The following FLT1 variants were observed in gnomAD, a reference collection of about 807,000 sequenced individuals.
FLT1 encodes fms related receptor tyrosine kinase 1.
A neutral mutation model predicts 156.3 loss-of-function variants in FLT1; 49 were observed. The observed-to-expected ratio is 0.31, with a 90% CI of 0.25 to 0.40. FLT1 has a LOEUF of 0.40. FLT1 is among the 10% of genes least tolerant of loss of function. FLT1 has a pLI of 1.00. For missense variants in FLT1, 1,322 were observed against 1,637.2 expected (o/e 0.81, Z 3.32); for synonymous variants, 594 against 583.8 (o/e 1.02, Z -0.25).
At chr13:28,324,015 G>T (rs187926263) in intron 20 of FLT1, among the ~76,000 whole-genome samples, 1 of 152,188 alleles carries the variant, frequency 6.6e-6, no homozygotes, top group African/African-American at 2.4e-5. Flanking sequence ...TCTTGGGCAA[G>T]TCACCTTACT....
chr13:28,466,650 T>C, intron 3 of FLT1: 1 of 554,790 alleles, frequency 1.8e-6, no homozygotes, highest in Non-Finnish European at 3.2e-6. Context: ...CATACTGTGC[T>C]AGGAGCTGTG....
chr13:28,422,830 C>T (rs1877089773), intron 10 of FLT1, among the ~76,000 whole-genome samples: 1 of 152,202 alleles, frequency 6.6e-6, no homozygotes, highest in Non-Finnish European at 1.5e-5. Flanking sequence ...TGATCTGCAG[C>T]ACAAACTGAT....
intron 14 of FLT1, 152 bp from the exon 15 acceptor site, chr13:28,357,837 C>T: frequency 3.5e-6 from 2 of 571,530 alleles, no homozygotes; most frequent in Non-Finnish European, 6.1e-6. Flanking sequence ...TTTGTTTTCT[C>T]TGGGTCCAGG....
At chr13:28,443,823 C>A (rs1878463663) in intron 3 of FLT1, among the ~76,000 whole-genome samples, 1 of 152,148 alleles carries the variant, frequency 6.6e-6, no homozygotes. Context: ...GCAGGTTCTT[C>A]CATGACTTAC....
At chr13:28,387,815 A>AT (rs1039276786) in intron 13 of FLT1, 2 of 1,055,890 alleles carry the variant, frequency 1.9e-6, no homozygotes, top group African/African-American at 1.7e-5. Flanking sequence ...CTTTAAAAAA[A>AT]AAAAAAAAGA....
chr13:28,353,345 G>T (rs1221841241), intron 15 of FLT1, among the ~76,000 whole-genome samples: 1 of 152,114 alleles, frequency 6.6e-6, no homozygotes, highest in Non-Finnish European at 1.5e-5. Flanking sequence ...GGCCGAGGCG[G>T]GTGGATTACC....
chr13:28,419,315 A>G (rs1369591732), intron 10 of FLT1, among the ~76,000 whole-genome samples: 1 of 152,240 alleles, frequency 6.6e-6, no homozygotes, highest in Non-Finnish European at 1.5e-5. Flanking sequence ...AAGTCAGTGA[A>G]GATATACTAA....
At chr13:28,422,112 C>T (rs2137529789) in intron 10 of FLT1, among the ~76,000 whole-genome samples, 1 of 152,286 alleles carries the variant, frequency 6.6e-6, no homozygotes, top group Non-Finnish European at 1.5e-5. Flanking sequence ...TGGTTGGTGC[C>T]TAATAAATAT....
At chr13:28,303,497 C>CT (rs1491291578) in intron 29 of FLT1, 129 bp from the exon 30 acceptor site, 10 of 797,066 alleles carry the variant, frequency 1.3e-5, no homozygotes, top group Admixed American at 2.1e-5. Flanking sequence ...TTGGAACCCC[C>CT]CCCCCCTCAA....
chr13:28,399,519 CA>C (rs1207097160), intron 11 of FLT1, among the ~76,000 whole-genome samples: 3 of 152,040 alleles, frequency 2.0e-5, no homozygotes, highest in Non-Finnish European at 4.4e-5. Context: ...AAGGGAAAAT[CA>C]AGTCAGATGT....
At chr13:28,396,751 C>G in intron 12 of FLT1, 1 of 670,824 alleles carries the variant, frequency 1.5e-6, no homozygotes, top group Non-Finnish European at 2.7e-6. Context: ...ACACAAATAA[C>G]TCTAAAAGAG....
chr13:28,387,969 G>A, intron 13 of FLT1: 1 of 1,061,138 alleles, frequency 9.4e-7, no homozygotes, highest in Non-Finnish European at 1.1e-6. Flanking sequence ...GGAAGGAAAT[G>A]GTAGGTTCTG....
At position 28,311,734 on chromosome 13, in the gene FLT1, TA is replaced by T; in HGVS notation, c.3493-3del. The T allele has an allele frequency of 6.2e-7, 1 of 1,614,054 alleles. No homozygotes were observed. Among genetic ancestry groups the T allele is most frequent in the Non-Finnish European group, 8.5e-7 (1 of 1,179,930 alleles). ...GATTGGGATGTAGTCTTTACCATCC[TA>T]AAATACCAAAGGTAGAGCTCTCGTT... On this transcript the variant is annotated splice_polypyrimidine_tract_variant and splice_region_variant and intron_variant, in intron 26 of 29. Coordinates refer to ENST00000282397, the MANE Select transcript of FLT1 (RefSeq NM_002019.4).
At chr13:28,456,591 C>G (rs918257974) in intron 3 of FLT1, among the ~76,000 whole-genome samples, 18 of 151,744 alleles carry the variant, frequency 1.2e-4, no homozygotes, top group Non-Finnish European at 1.5e-5. Flanking sequence ...AGGTCAGGAG[C>G]TCGAGACCAG....
rs146170931 is a variant in FLT1 at position 28,384,967 on chromosome 13, G to A, written c.2034C>T (p.Thr678=). 3 of 1,614,028 alleles carry A rather than the reference G, an allele frequency of 1.9e-6. No individual in the cohort carries two copies. The Admixed American group carries it at 5.0e-5, about 27-fold the overall frequency. Residue 678 remains threonine, a synonymous_variant, in exon 14 of 30, where the codon ACC becomes ACT. Coordinates refer to ENST00000282397, the MANE Select transcript of FLT1 (RefSeq NM_002019.4). ...CACCATTAGCATGACAGTCTAAAGT[G>A]GTGGAACTGCTGATGGCCACTGTGT... ...SDHTVAISSS[T]TLDCHANGVP...
intron 6 of FLT1, 49 bp from the exon 7 acceptor site, chr13:28,431,359 T>A: frequency 1.6e-6 from 2 of 1,288,438 alleles, no homozygotes; most frequent in Non-Finnish European, 2.3e-6. Flanking sequence ...TGTTCATGCT[T>A]AAAGTTATAT....
In FLT1 at chr13:28,300,540, CACACA is replaced by C. The variant is rs1870470708; in HGVS notation, c.*2622_*2626del. The C allele has an allele frequency of 4.3e-6, 1 of 232,822 alleles. No homozygotes were observed. The highest frequency in any genetic ancestry group is 5.6e-5 in the Admixed American group (1 of 17,756). 14.4% of individuals were successfully genotyped at this position (232,822 alleles called of 1,614,324 possible). A position where few individuals can be genotyped will look rare whatever the true frequency, so the allele number is the denominator to read the frequency against. Reference sequence around the variant, plus strand: ...ATACACCCACACACACACACACACACACACACACACACACACATACAGTTACACCA... The same window carrying C: ...ATACACCCACACACACACACACACACCACACACACACATACAGTTACACCA... On this transcript the variant is annotated 3_prime_UTR_variant, in exon 30 of 30. Coordinates refer to ENST00000282397, the MANE Select transcript of FLT1 (RefSeq NM_002019.4).
intron 19 of FLT1, among the ~76,000 whole-genome samples, chr13:28,328,845 C>T (rs976881565): frequency 3.9e-5 from 6 of 152,176 alleles, no homozygotes; most frequent in African/African-American, 9.7e-5. Context: ...GAGGTTGCCA[C>T]GACAGAGAAC....
At chr13:28,409,216 A>G (rs527944928) in intron 10 of FLT1, among the ~76,000 whole-genome samples, 1 of 152,300 alleles carries the variant, frequency 6.6e-6, no homozygotes, top group Admixed American at 6.5e-5. Flanking sequence ...TTTTCTTGTA[A>G]CAGTGATGAA....
Sources: allele counts gnomAD v4.1 joint callset (sites outside exome capture counted in the v4.1 genomes callset), GRCh38; gene constraint gnomAD v4.1.1; transcripts MANE v1.5; gene names NCBI Gene and HGNC (gene_info 2026-07-23, HGNC 2026-07-21).